The following DIAPH3 variants were observed in gnomAD, a reference collection of about 807,000 sequenced individuals.
DIAPH3 encodes the protein diaphanous related formin 3, also known as protein diaphanous homolog 3.
In DIAPH3, 117 loss-of-function variants were observed where a neutral mutation model predicts 144.3. That is an observed-to-expected ratio of 0.81 (90% CI 0.70 to 0.95). The LOEUF is 0.95. Ranked by LOEUF, DIAPH3 falls within the 40% of genes least tolerant of loss-of-function variation. The pLI, the probability that DIAPH3 is intolerant of heterozygous loss-of-function variation, is 0.00. For missense variants in DIAPH3, 1,421 were observed against 1,412.7 expected (o/e 1.01, Z -0.09); for synonymous variants, 519 against 488.9 (o/e 1.06, Z -0.81).
In DIAPH3 at chr13:59,799,384, C is replaced by CAA. The variant is rs1168597207; in HGVS notation, c.3163+11403_3163+11404insTT. The stretch of plus-strand genomic sequence containing the variant: ...AAATTACTGGAAATATGCACACACA[C>CAA]ACACACACACACACACACACACACA... On this transcript the variant is annotated intron_variant, in intron 25 of 27. Transcript: ENST00000400324. 2.8e-5 allele frequency among the ~76,000 whole-genome samples: 3 copies of CAA among 108,196 alleles called. No homozygotes were observed. In the Admixed American group the frequency reaches 2.8e-4, roughly 10 times the overall value. The allele number at this position is 108,196 out of a possible 152,430, so 71.0% of individuals were successfully genotyped here.
At chr13:60,075,879 G>C (rs1260294204) in intron 4 of DIAPH3, among the ~76,000 whole-genome samples, 3 of 152,208 alleles carry the variant, frequency 2.0e-5, no homozygotes, top group African/African-American at 7.2e-5. Flanking sequence ...TCCAAGTGTT[G>C]ACCGTATCTT....
At chr13:60,035,592 C>G (rs2055155382) in intron 5 of DIAPH3, among the ~76,000 whole-genome samples, 1 of 152,112 alleles carries the variant, frequency 6.6e-6, no homozygotes, top group South Asian at 2.1e-4. Flanking sequence ...TTAGAAAGGA[C>G]AGCCACATGA....
chr13:59,860,716 C>A (rs941309340), intron 22 of DIAPH3, among the ~76,000 whole-genome samples: 2 of 151,256 alleles, frequency 1.3e-5, no homozygotes, highest in African/African-American at 2.4e-5. Context: ...CCAGCCTGGG[C>A]AACAGAGCGA....
intron 4 of DIAPH3, among the ~76,000 whole-genome samples, chr13:60,053,041 T>G (rs138155977): frequency 7.9e-6 from 1 of 126,998 alleles, no homozygotes; most frequent in African/African-American, 3.1e-5. Flanking sequence ...AAATAGGAAA[T>G]AGACCAGAGA....
At chr13:59,989,248 C>G (rs2051642007) in intron 12 of DIAPH3, among the ~76,000 whole-genome samples, 1 of 151,018 alleles carries the variant, frequency 6.6e-6, no homozygotes, top group African/African-American at 2.4e-5. Flanking sequence ...ACGTGTACAC[C>G]AACAAGAGTA....
chr13:59,905,193 A>T (rs1208441650), intron 20 of DIAPH3, among the ~76,000 whole-genome samples: 1 of 151,732 alleles, frequency 6.6e-6, no homozygotes, highest in Non-Finnish European at 1.5e-5. Context: ...ACACAAAAAA[A>T]TTAGCCGGGC....
chr13:59,810,616 G>A (rs2040423452), intron 25 of DIAPH3, among the ~76,000 whole-genome samples, 172 bp downstream of exon 25: 1 of 152,130 alleles, frequency 6.6e-6, no homozygotes, highest in Non-Finnish European at 1.5e-5. Flanking sequence ...TACACTACTC[G>A]TTAGTAAATG....
At chr13:59,717,951 A>G (rs2138881364) in intron 27 of DIAPH3, among the ~76,000 whole-genome samples, 2 of 152,338 alleles carry the variant, frequency 1.3e-5, no homozygotes, top group South Asian at 2.1e-4. Flanking sequence ...CTAATCACCT[A>G]TACAGAAATC....
At chr13:59,783,755 A>C (rs1368214456) in intron 25 of DIAPH3, among the ~76,000 whole-genome samples, 2 of 152,216 alleles carry the variant, frequency 1.3e-5, no homozygotes, top group African/African-American at 4.8e-5. Context: ...GAGAGGATTA[A>C]AACAGATAAA....
chr13:59,966,843 T>C (rs770593380), intron 17 of DIAPH3, among the ~76,000 whole-genome samples: 6 of 152,066 alleles, frequency 3.9e-5, no homozygotes, highest in Non-Finnish European at 8.8e-5. Flanking sequence ...ACTACTGCAA[T>C]GAAAAACAGA....
chr13:60,130,664 T>C (rs1332251876), intron 2 of DIAPH3, among the ~76,000 whole-genome samples: 1 of 152,188 alleles, frequency 6.6e-6, no homozygotes, highest in East Asian at 1.9e-4. Context: ...TTTATTAAAA[T>C]ACTCACTATG....
rs375508200 is a variant in DIAPH3, at chr13:59,980,841, G to A, written c.1499C>T (p.Ala500Val). The part of the protein sequence containing the change: ...TQFVDICIDQ[A>V]KLEEFEEKAS... ...TTTCTCTTCAAACTCTTCTAGTTTT[G>A]CTTGATCTATGCAAATGTCTAAAAT... is the stretch of plus-strand genomic sequence containing the variant. Residue 500 changes from alanine (A) to valine (V), a missense_variant, in exon 14 of 28, where the codon GCA becomes GTA. By Grantham distance (64) the Ala-to-Val change is moderately conservative (BLOSUM62 0). Transcript: ENST00000400324. 2.4e-5 allele frequency: 38 copies of A among 1,609,140 alleles called. No individual in the cohort carries two copies. The African/African-American group carries it at 4.7e-4, about 20-fold the overall frequency.
At chr13:59,889,229 G>C (rs2045639545) in intron 20 of DIAPH3, among the ~76,000 whole-genome samples, 1 of 151,664 alleles carries the variant, frequency 6.6e-6, no homozygotes, top group Non-Finnish European at 1.5e-5. Context: ...TATCCTTTGG[G>C]GACTCCAGTT....
At chr13:59,829,114 C>T (rs747183501) in intron 24 of DIAPH3, among the ~76,000 whole-genome samples, 11 of 151,996 alleles carry the variant, frequency 7.2e-5, no homozygotes, top group Non-Finnish European at 1.3e-4. Context: ...ACATATTAGT[C>T]GTGAGATTCT....
intron 11 of DIAPH3, among the ~76,000 whole-genome samples, 155 bp from the exon 12 acceptor site, chr13:59,991,429 A>G (rs1429347607): frequency 6.6e-6 from 1 of 151,982 alleles, no homozygotes; most frequent in Non-Finnish European, 1.5e-5. Context: ...AGGGTAGTGG[A>G]AAAACTCTGG....
chr13:59,674,735 A>G (rs1166151967), intron 27 of DIAPH3, among the ~76,000 whole-genome samples: 5 of 152,152 alleles, frequency 3.3e-5, no homozygotes, highest in Admixed American at 6.5e-5. Flanking sequence ...CAAATAACAC[A>G]TTCTCAAACC....
rs547860359 is a variant in DIAPH3 at position 59,736,971 on chromosome 13, C to T, written c.3319+37218G>A. On this transcript the variant is annotated intron_variant, in intron 27 of 27. Transcript: ENST00000400324. ...CATATGCAGAAAATTGAAACTGGAC[C>T]CCTTCCTTAAACTATATATAAAAAT... is the stretch of plus-strand genomic sequence containing the variant. 3.3e-5 allele frequency among the ~76,000 whole-genome samples: 5 copies of T among 152,136 alleles called. No homozygotes were observed. In the East Asian group the frequency reaches 9.7e-4, roughly 29 times the overall value.
chr13:59,777,862 G>A (rs182284114), intron 25 of DIAPH3, among the ~76,000 whole-genome samples: 5 of 152,232 alleles, frequency 3.3e-5, no homozygotes, highest in Admixed American at 2.0e-4. Context: ...GACTAAAGAG[G>A]AACGACAATG....
At chr13:60,045,351 T>A (rs1027104812) in intron 4 of DIAPH3, among the ~76,000 whole-genome samples, 8 of 151,488 alleles carry the variant, frequency 5.3e-5, no homozygotes, top group African/African-American at 1.5e-4. Context: ...AAAAAAAAAA[T>A]AAAAATAAAA....
Sources: allele counts gnomAD v4.1 joint callset (sites outside exome capture counted in the v4.1 genomes callset), GRCh38; gene constraint gnomAD v4.1.1; transcripts MANE v1.5; gene names NCBI Gene and HGNC (gene_info 2026-07-23, HGNC 2026-07-21).